Variants in NRXN3 observed in about 807,000 individuals in gnomAD.
The protein encoded by NRXN3 is neurexin 3.
A neutral mutation model predicts 137.6 loss-of-function variants in NRXN3; 32 were observed. The ratio of observed to expected loss-of-function variants is 0.23; its 90% CI spans 0.18 to 0.31. NRXN3 has a LOEUF of 0.31. NRXN3 is among the 10% of genes least tolerant of loss of function. The probability of loss-of-function intolerance (pLI) is 1.00; values close to 1 mark genes in which losing one functional copy is unlikely to be tolerated. For missense variants in NRXN3, 1,574 were observed against 2,062.5 expected, an observed-to-expected ratio of 0.76 and a Z score of 4.59; for synonymous variants, 798 against 784.5, an observed-to-expected ratio of 1.02 and a Z score of -0.29.
chr14:79,481,652 A>C (rs1461307495), intron 16 of NRXN3, among the ~76,000 whole-genome samples: 1 of 152,224 alleles, frequency 6.6e-6, no homozygotes, highest in African/African-American at 2.4e-5. Flanking sequence ...CACTGCCCAG[A>C]TGGAGCCAAT....
intron 15 of NRXN3, among the ~76,000 whole-genome samples, chr14:79,128,746 G>A (rs1596284814): frequency 1.3e-5 from 2 of 152,070 alleles, no homozygotes; most frequent in Admixed American, 1.3e-4. Flanking sequence ...AGTTTCAGAA[G>A]GAATGGTACC....
chr14:78,841,930 C>A (rs1388467544), intron 10 of NRXN3, among the ~76,000 whole-genome samples: 1 of 152,054 alleles, frequency 6.6e-6, no homozygotes, highest in Non-Finnish European at 1.5e-5. Flanking sequence ...AATGATAGCA[C>A]CCATCTTTCA....
At chr14:78,592,841 T>C (rs1029491161) in intron 4 of NRXN3, among the ~76,000 whole-genome samples, 1 of 152,214 alleles carries the variant, frequency 6.6e-6, no homozygotes, top group African/African-American at 2.4e-5. Flanking sequence ...AGAATCCCTC[T>C]GTCCAGGGAG....
intron 4 of NRXN3, among the ~76,000 whole-genome samples, chr14:78,601,038 A>T (rs2097197559): frequency 1.3e-5 from 2 of 152,160 alleles, no homozygotes; most frequent in South Asian, 4.1e-4. Flanking sequence ...GCCCTAGTTC[A>T]GGGTTTCATC....
At chr14:79,168,869 C>A (rs1226166845) in intron 15 of NRXN3, among the ~76,000 whole-genome samples, 1 of 152,082 alleles carries the variant, frequency 6.6e-6, no homozygotes, top group African/African-American at 2.4e-5. Context: ...GTTTCCTGTG[C>A]TACTAAGTGC....
intron 15 of NRXN3, among the ~76,000 whole-genome samples, chr14:79,402,242 T>C (rs2095220831): frequency 1.3e-5 from 2 of 152,208 alleles, no homozygotes; most frequent in Admixed American, 1.3e-4. Flanking sequence ...AGCCTTTTTT[T>C]CTGTGTCTAA....
At chr14:78,401,078 C>T (rs2092002777) in intron 4 of NRXN3, among the ~76,000 whole-genome samples, 3 of 152,190 alleles carry the variant, frequency 2.0e-5, no homozygotes, top group Non-Finnish European at 2.9e-5. Flanking sequence ...AATGCTCTGT[C>T]CTCACACGGT....
intron 4 of NRXN3, among the ~76,000 whole-genome samples, chr14:78,331,152 A>G (rs1212792751): frequency 6.6e-6 from 1 of 152,208 alleles, no homozygotes; most frequent in African/African-American, 2.4e-5. Context: ...AAAGGTCACC[A>G]AAATATATGA....
intron 15 of NRXN3, among the ~76,000 whole-genome samples, chr14:79,176,597 C>T (rs2062369469): frequency 6.6e-6 from 1 of 152,204 alleles, no homozygotes. Flanking sequence ...CCTGAATATG[C>T]TGTGCTCGTT....
intron 19 of NRXN3, among the ~76,000 whole-genome samples, chr14:79,742,891 A>C (rs2098967526): frequency 6.6e-6 from 1 of 152,238 alleles, no homozygotes; most frequent in African/African-American, 2.4e-5. Context: ...CACACATTTG[A>C]TAGTTGATGG....
At chr14:78,670,910 A>G (rs748293355) in intron 6 of NRXN3, among the ~76,000 whole-genome samples, 5 of 152,176 alleles carry the variant, frequency 3.3e-5, no homozygotes, top group Non-Finnish European at 5.9e-5. Context: ...GTTGAGTGGG[A>G]AGTACCTGTG....
intron 1 of NRXN3, among the ~76,000 whole-genome samples, chr14:78,180,358 T>C (rs1038037169): frequency 6.6e-6 from 1 of 152,012 alleles, no homozygotes; most frequent in African/African-American, 2.4e-5. Context: ...AGAAAAAAAA[T>C]GAAGCATCCA....
chr14:78,270,057 C>A (rs1249977042), intron 2 of NRXN3, among the ~76,000 whole-genome samples: 1 of 152,162 alleles, frequency 6.6e-6, no homozygotes, highest in African/African-American at 2.4e-5. Context: ...AGTAGACTGT[C>A]CCCATTTTAC....
At chr14:78,245,204 G>A (rs889290528) in intron 2 of NRXN3, among the ~76,000 whole-genome samples, 4 of 152,190 alleles carry the variant, frequency 2.6e-5, no homozygotes, top group Admixed American at 6.5e-5. Context: ...CTTCGTGGAG[G>A]TGGTGTAAGG....
chr14:78,259,214 G>A (rs2070262707), intron 2 of NRXN3, among the ~76,000 whole-genome samples: 2 of 152,036 alleles, frequency 1.3e-5, no homozygotes, highest in Admixed American at 6.5e-5. Flanking sequence ...ACGAACCTGA[G>A]GGTTTTGAAT....
chr14:78,243,648 G>A lies in NRXN3; in HGVS notation c.555G>A (p.Glu185=). The A allele has an allele frequency of 6.3e-7, 1 of 1,598,442 alleles. No homozygotes were observed. The highest frequency in any genetic ancestry group is 8.5e-7 in the Non-Finnish European group (1 of 1,179,824). Residue 185 remains glutamate, a synonymous_variant, in exon 2 of 21, where the codon GAG becomes GAA. Coordinates refer to ENST00000335750, the MANE Select transcript of NRXN3 (RefSeq NM_001330195.2). This position sits in a 1 kb window ranked among gnomAD's most constrained non-coding sequence, Gnocchi z 4.2. ...LILDLKYGNS[E]PRLLGSRGVQ... The stretch of plus-strand genomic sequence containing the variant: ...TGGATCTCAAGTATGGAAACTCGGA[G>A]CCTCGGCTTCTGGGGAGCCGGGGTG...
At chr14:78,226,117 C>T (rs1379897829) in intron 1 of NRXN3, among the ~76,000 whole-genome samples, 4 of 152,024 alleles carry the variant, frequency 2.6e-5, no homozygotes, top group Non-Finnish European at 5.9e-5. Flanking sequence ...GATTCTCCTG[C>T]CTCAGCCTCC....
At chr14:78,310,834 G>A (rs1280403156) in intron 4 of NRXN3, among the ~76,000 whole-genome samples, 1 of 152,100 alleles carries the variant, frequency 6.6e-6, no homozygotes, top group Non-Finnish European at 1.5e-5. Context: ...CAAAACGGGA[G>A]CAAGAATACT....
chr14:79,591,067 G>C (rs2097799247), intron 16 of NRXN3, among the ~76,000 whole-genome samples: 1 of 152,130 alleles, frequency 6.6e-6, no homozygotes, highest in African/African-American at 2.4e-5. Flanking sequence ...AGGACACCGA[G>C]CTAGTATTTT....
Sources: allele counts gnomAD v4.1 joint callset (sites outside exome capture counted in the v4.1 genomes callset), GRCh38; gene constraint gnomAD v4.1.1; non-coding constraint Gnocchi (gnomAD v3.1); transcripts MANE v1.5; gene names NCBI Gene and HGNC (gene_info 2026-07-23, HGNC 2026-07-21).